SGCD: variants seen among roughly 807,000 people sequenced by gnomAD.
SGCD encodes sarcoglycan delta.
SGCD carries 18 observed loss-of-function variants against 36.6 expected under a neutral mutation model. The observed-to-expected ratio is 0.49, with a 90% CI of 0.34 to 0.73. SGCD has a LOEUF of 0.73. Ranked by LOEUF, SGCD falls within the 30% of genes least tolerant of loss-of-function variation. SGCD has a pLI of 0.01. For synonymous variants in SGCD, 133 were observed against 130.6 expected, an observed-to-expected ratio of 1.02 and a Z score of -0.12; for missense variants, 387 against 346.7, an observed-to-expected ratio of 1.12 and a Z score of -0.92.
intron 1 of SGCD, among the ~76,000 whole-genome samples, chr5:156,047,392 G>A (rs1290999999): frequency 6.6e-6 from 1 of 152,130 alleles, no homozygotes; most frequent in Admixed American, 6.6e-5. Context: ...CATAGCTAAA[G>A]GGGAGAAGTC....
At chr5:156,527,542 C>T (rs1757695688) in intron 4 of SGCD, among the ~76,000 whole-genome samples, 2 of 152,208 alleles carry the variant, frequency 1.3e-5, no homozygotes, top group South Asian at 4.1e-4. Context: ...GTCAGGGAAT[C>T]TGGCTTCTCT....
At chr5:155,942,307 T>TACGC (rs1757341572) in intron 1 of SGCD, among the ~76,000 whole-genome samples, 2 of 107,464 alleles carry the variant, frequency 1.9e-5, no homozygotes, top group East Asian at 2.7e-4. Context: ...TGTATGTATG[T>TACGC]ATGTATGTAT....
chr5:156,491,983 C>T (rs956650314), intron 3 of SGCD, among the ~76,000 whole-genome samples: 1 of 152,042 alleles, frequency 6.6e-6, no homozygotes, highest in Non-Finnish European at 1.5e-5. Context: ...GTTTCCCTGT[C>T]ATCAGAAGTA....
chr5:156,295,872 T>C (rs1307462647), intron 3 of SGCD, among the ~76,000 whole-genome samples: 1 of 152,186 alleles, frequency 6.6e-6, no homozygotes, highest in Non-Finnish European at 1.5e-5. Context: ...TGACAACCAG[T>C]AGAAGCAACT....
intron 4 of SGCD, among the ~76,000 whole-genome samples, chr5:156,559,073 T>C (rs1002908103): frequency 1.3e-5 from 2 of 152,182 alleles, no homozygotes; most frequent in Admixed American, 1.3e-4. Context: ...TACTACTCAC[T>C]GGCTAAATGA....
At chr5:156,424,494 A>G (rs1773578400) in intron 3 of SGCD, among the ~76,000 whole-genome samples, 1 of 152,138 alleles carries the variant, frequency 6.6e-6, no homozygotes, top group Admixed American at 6.6e-5. Context: ...AACCTGATAC[A>G]GGAAACCATT....
chr5:156,274,656 A>G (rs17553409), intron 3 of SGCD, among the ~76,000 whole-genome samples: 63,302 of 151,898 alleles, frequency 0.42, 14,495 homozygotes, highest in African/African-American at 0.59. Flanking sequence ...AAACACTAGA[A>G]CAAGAATATT....
rs374654252 is a variant in SGCD at position 156,270,097 on chromosome 5, G to A, written c.-43-59437G>A. Among the ~76,000 whole-genome samples the A allele has an allele frequency of 9.7e-4, 147 of 152,308 alleles. 2 individuals are homozygous for A. The highest frequency in any genetic ancestry group is 3.4e-3 in the African/African-American group (140 of 41,560). ...AGTTTCAGTCTTCTGCATATGGCTA[G>A]CCAGTTATCCCAAGCACTGTTTAGG... On this transcript the variant is annotated intron_variant, in intron 3 of 9. Coordinates refer to the SGCD transcript ENST00000517913.
intron 1 of SGCD, among the ~76,000 whole-genome samples, chr5:156,088,691 A>T (rs1417996643): frequency 6.6e-6 from 1 of 152,082 alleles, no homozygotes; most frequent in South Asian, 2.1e-4. Flanking sequence ...TATTATTATC[A>T]TTATTATTTA....
chr5:155,763,270 G>A, the SGCD span, among the ~76,000 whole-genome samples: 8 of 152,266 alleles, frequency 5.3e-5, no homozygotes, highest in Admixed American at 4.6e-4. Context: ...AACCAGAGAG[G>A]CTGACCTCTT....
chr5:156,235,593 T>C (rs1053352391), intron 3 of SGCD, among the ~76,000 whole-genome samples: 3 of 152,218 alleles, frequency 2.0e-5, no homozygotes, highest in Non-Finnish European at 4.4e-5. Flanking sequence ...ATTAAGTTCA[T>C]TTCTTAATGA....
At chr5:156,445,996 A>C (rs1233330133) in intron 3 of SGCD, among the ~76,000 whole-genome samples, 1 of 152,142 alleles carries the variant, frequency 6.6e-6, no homozygotes. Context: ...TATAATCTCT[A>C]GGAATTCTTG....
At chr5:156,641,912 T>A (rs1001224145) in intron 6 of SGCD, among the ~76,000 whole-genome samples, 2 of 152,194 alleles carry the variant, frequency 1.3e-5, no homozygotes, top group Admixed American at 6.5e-5. Flanking sequence ...TTAAGTGTCT[T>A]TTCCATGACA....
At position 156,610,669 on chromosome 5, in the gene SGCD, T is replaced by C. The variant is rs1221677252; in HGVS notation, c.502+15618T>C. The stretch of plus-strand genomic sequence containing the variant: ...AGTCTGCAGAGGCAGGCAGGTCTCC[T>C]TGAGCTGCGGTGGGCTCCACCCAGT... On this transcript the variant is annotated intron_variant, in intron 6 of 8. Coordinates refer to ENST00000337851, the MANE Select transcript of SGCD (RefSeq NM_000337.6). 9.8e-5 allele frequency among the ~76,000 whole-genome samples: 15 copies of C among 152,376 alleles called. No individual in the cohort carries two copies. In the South Asian group the frequency reaches 3.1e-3, roughly 32 times the overall value.
At chr5:155,815,777 C>T in the SGCD span, among the ~76,000 whole-genome samples, 1 of 152,116 alleles carries the variant, frequency 6.6e-6, no homozygotes, top group African/African-American at 2.4e-5. Flanking sequence ...CCCCATGATC[C>T]AGTCACCTTC....
intron 3 of SGCD, among the ~76,000 whole-genome samples, chr5:156,318,514 A>G (rs1171021516): frequency 6.6e-6 from 1 of 151,024 alleles, no homozygotes; most frequent in Non-Finnish European, 1.5e-5. Context: ...ATTGGCTAAG[A>G]CTCCTTTATT....
intron 4 of SGCD, among the ~76,000 whole-genome samples, chr5:156,576,273 C>T (rs374502847): frequency 6.6e-6 from 1 of 152,276 alleles, no homozygotes; most frequent in East Asian, 1.9e-4. Flanking sequence ...TTCATGGCTA[C>T]ATAGTATTCC....
chr5:156,400,736 A>T (rs1050263721), intron 3 of SGCD, among the ~76,000 whole-genome samples: 4 of 152,242 alleles, frequency 2.6e-5, no homozygotes, highest in Non-Finnish European at 5.9e-5. Context: ...GACAACATGC[A>T]GCTTTTTACT....
chr5:156,321,501 G>T (rs986849520), intron 3 of SGCD, among the ~76,000 whole-genome samples: 14 of 152,098 alleles, frequency 9.2e-5, no homozygotes, highest in African/African-American at 3.1e-4. Context: ...TGAGTCTTTG[G>T]TATTTTGTCA....
Sources: allele counts gnomAD v4.1 joint callset (sites outside exome capture counted in the v4.1 genomes callset), GRCh38; gene constraint gnomAD v4.1.1; transcripts MANE v1.5; gene names NCBI Gene and HGNC (gene_info 2026-07-23, HGNC 2026-07-21).